The following DLG2 variants were observed in gnomAD, a reference collection of about 807,000 sequenced individuals.
The protein encoded by DLG2 is discs large MAGUK scaffold protein 2.
DLG2 carries 45 observed loss-of-function variants against 132.5 expected under a neutral mutation model. The observed-to-expected ratio is 0.34, with a 90% CI of 0.27 to 0.44. The LOEUF (loss-of-function observed/expected upper bound fraction) is 0.44, where lower values mean the gene tolerates loss of function less well. Ranked by LOEUF, DLG2 falls within the 20% of genes least tolerant of loss-of-function variation. DLG2 has a pLI of 1.00. For missense variants in DLG2, 1,045 were observed against 1,196.9 expected (o/e 0.87, Z 1.87); for synonymous variants, 424 against 419.6 (o/e 1.01, Z -0.13).
intron 6 of DLG2, among the ~76,000 whole-genome samples, chr11:84,830,310 T>C (rs2078866243): frequency 6.6e-6 from 1 of 151,106 alleles, no homozygotes; most frequent in African/African-American, 2.4e-5. Flanking sequence ...AGGGGGTCTC[T>C]ACCTTTTAAA....
chr11:84,564,271 G>A (rs2099440900), intron 6 of DLG2, among the ~76,000 whole-genome samples: 1 of 152,084 alleles, frequency 6.6e-6, no homozygotes, highest in African/African-American at 2.4e-5. Flanking sequence ...CTGTTACAGA[G>A]GAAAAAATAC....
intron 7 of DLG2, among the ~76,000 whole-genome samples, chr11:84,259,015 T>C (rs1397787419): frequency 7.2e-5 from 11 of 152,162 alleles, no homozygotes; most frequent in Non-Finnish European, 4.4e-5. Context: ...ATCATGACTG[T>C]AATCCCAGTG....
chr11:83,589,142 C>A (rs10898142), intron 19 of DLG2, among the ~76,000 whole-genome samples: 36,000 of 149,154 alleles, frequency 0.24, 4,528 homozygotes, highest in South Asian at 0.28. Context: ...ACAGAGAATG[C>A]CACAAAGATA....
chr11:85,174,050 T>G (rs1322400878), intron 4 of DLG2, among the ~76,000 whole-genome samples: 3 of 152,178 alleles, frequency 2.0e-5, no homozygotes, highest in African/African-American at 4.8e-5. Context: ...CTGTCAATGT[T>G]AGACAGATCA....
chr11:84,095,267 A>G (rs570283626), intron 10 of DLG2, among the ~76,000 whole-genome samples: 1 of 152,292 alleles, frequency 6.6e-6, no homozygotes, highest in South Asian at 2.1e-4. Flanking sequence ...AAATTTATTG[A>G]GCACCAATTA....
intron 10 of DLG2, among the ~76,000 whole-genome samples, chr11:84,067,031 T>C (rs918561845): frequency 6.6e-6 from 1 of 152,142 alleles, no homozygotes; most frequent in African/African-American, 2.4e-5. Flanking sequence ...TTAGACTGCA[T>C]GCACTTAAAG....
chr11:83,935,244 G>C (rs1027543131), intron 14 of DLG2, among the ~76,000 whole-genome samples: 2 of 152,138 alleles, frequency 1.3e-5, no homozygotes, highest in African/African-American at 4.8e-5. Flanking sequence ...CTTTAAAAGG[G>C]TGCCTCATGC....
intron 16 of DLG2, among the ~76,000 whole-genome samples, chr11:83,871,355 T>C (rs2063405225): frequency 6.6e-6 from 1 of 152,244 alleles, no homozygotes; most frequent in Non-Finnish European, 1.5e-5. Context: ...GTTGTCTCAA[T>C]GGATCAAATT....
intron 5 of DLG2, among the ~76,000 whole-genome samples, chr11:85,124,068 G>C (rs1279813564): frequency 6.6e-6 from 1 of 152,178 alleles, no homozygotes; most frequent in Non-Finnish European, 1.5e-5. Flanking sequence ...CAGAAATGAG[G>C]AAATGAGAGA....
chr11:84,653,336 T>C (rs1025376744), intron 6 of DLG2, among the ~76,000 whole-genome samples: 8 of 152,156 alleles, frequency 5.3e-5, no homozygotes, highest in Admixed American at 1.3e-4. Context: ...TTCAAAAAGA[T>C]CTAACTTACA....
intron 19 of DLG2, among the ~76,000 whole-genome samples, chr11:83,627,365 C>CA (rs2062745907): frequency 6.6e-6 from 1 of 152,020 alleles, no homozygotes; most frequent in East Asian, 1.9e-4. Context: ...CCTCTTCCCC[C>CA]ACCCCACCCC....
intron 6 of DLG2, among the ~76,000 whole-genome samples, chr11:84,783,706 C>G (rs1026301904): frequency 6.6e-6 from 1 of 152,102 alleles, no homozygotes; most frequent in Admixed American, 6.6e-5. Flanking sequence ...CTCAGAGAAG[C>G]CTAAAATGTC....
At chr11:84,071,165 G>A (rs1050103801) in intron 10 of DLG2, among the ~76,000 whole-genome samples, 4 of 152,206 alleles carry the variant, frequency 2.6e-5, no homozygotes, top group South Asian at 2.1e-4. Flanking sequence ...CAATCACGAC[G>A]CACTGAAACC....
At chr11:84,870,032 G>T (rs1336104489) in intron 6 of DLG2, among the ~76,000 whole-genome samples, 3 of 152,118 alleles carry the variant, frequency 2.0e-5, no homozygotes, top group Non-Finnish European at 4.4e-5. Flanking sequence ...ATGGGTTTTT[G>T]AAAACATAAA....
chr11:83,503,093 G>A (rs766864010), intron 21 of DLG2, among the ~76,000 whole-genome samples: 44 of 151,748 alleles, frequency 2.9e-4, no homozygotes, highest in Non-Finnish European at 5.1e-4. Flanking sequence ...AAGTTACTAA[G>A]GCAATGTGAC....
At chr11:83,725,188 T>A in intron 18 of DLG2, 1 of 367,556 alleles carries the variant, frequency 2.7e-6, no homozygotes, top group Non-Finnish European at 5.0e-6. Context: ...CTTTCTCTTC[T>A]CAGTTAAAAA....
intron 3 of DLG2, among the ~76,000 whole-genome samples, chr11:85,424,839 C>T (rs1473780083): frequency 6.6e-6 from 1 of 152,122 alleles, no homozygotes; most frequent in Non-Finnish European, 1.5e-5. Flanking sequence ...AAGAACAATT[C>T]CCTCACCAAA....
At chr11:85,002,436 A>G (rs1035144770) in intron 6 of DLG2, among the ~76,000 whole-genome samples, 3 of 152,214 alleles carry the variant, frequency 2.0e-5, no homozygotes, top group African/African-American at 4.8e-5. Context: ...ATGCTAGTCT[A>G]GTGTTTCTCA....
intron 3 of DLG2, among the ~76,000 whole-genome samples, chr11:85,396,386 C>T (rs1328529566): frequency 6.6e-6 from 1 of 152,134 alleles, no homozygotes; most frequent in African/African-American, 2.4e-5. Flanking sequence ...AGGATCACAG[C>T]TTCTCAACAG....
Sources: gnomAD v4.1 joint callset for allele counts (sites outside exome capture counted in the v4.1 genomes callset) on GRCh38, gnomAD v4.1.1 for gene constraint, MANE v1.5 for transcripts, NCBI Gene and HGNC (gene_info 2026-07-23, HGNC 2026-07-21) for gene names.